LOC128462377: variants seen among roughly 807,000 people sequenced by gnomAD.
the LOC128462377 span, among the ~76,000 whole-genome samples, chr16:89,344,556 G>C: frequency 6.6e-6 from 1 of 152,214 alleles, no homozygotes; most frequent in African/African-American, 2.4e-5. Flanking sequence ...GCTCCTCCTT[G>C]TCTGAACGCT....
the LOC128462377 span, among the ~76,000 whole-genome samples, chr16:89,356,803 GAAAAAA>G: frequency 7.0e-6 from 1 of 143,304 alleles, no homozygotes; most frequent in Non-Finnish European, 1.5e-5. Context: ...AAAGAAAAAA[GAAAAAA>G]AAAGAACGTA....
At chr16:89,352,200 T>C in the LOC128462377 span, among the ~76,000 whole-genome samples, 1 of 152,052 alleles carries the variant, frequency 6.6e-6, no homozygotes, top group Non-Finnish European at 1.5e-5. Flanking sequence ...GATTATCTTC[T>C]TTGAAAAGCA....
At chr16:89,353,350 A>G in the LOC128462377 span, among the ~76,000 whole-genome samples, 5,066 of 149,488 alleles carry the variant, frequency 0.034, 316 homozygotes, top group African/African-American at 0.12. Context: ...TCCAAAAAAA[A>G]AGAGAGAGAG....
the LOC128462377 span, among the ~76,000 whole-genome samples, chr16:89,332,957 G>T: frequency 6.6e-6 from 1 of 152,232 alleles, no homozygotes; most frequent in South Asian, 2.1e-4. Context: ...CAACAGAACA[G>T]CGGGGCTGCT....
At chr16:89,394,930 A>T in the LOC128462377 span, among the ~76,000 whole-genome samples, 1 of 152,244 alleles carries the variant, frequency 6.6e-6, no homozygotes, top group Non-Finnish European at 1.5e-5. Context: ...CAGAGGCGAC[A>T]GTTTTTCCAA....
At chr16:89,381,799 T>C in the LOC128462377 span, among the ~76,000 whole-genome samples, 600 of 152,284 alleles carry the variant, frequency 3.9e-3, 2 homozygotes, top group African/African-American at 0.014. Flanking sequence ...CCCGAGCACA[T>C]TGACCCCACG....
the LOC128462377 span, among the ~76,000 whole-genome samples, chr16:89,353,008 C>T: frequency 6.6e-6 from 1 of 152,174 alleles, no homozygotes; most frequent in Admixed American, 6.5e-5. Flanking sequence ...TTTACAGGAT[C>T]CATTTACTTC....
chr16:89,367,516 CCT>C, the LOC128462377 span, among the ~76,000 whole-genome samples: 1 of 152,222 alleles, frequency 6.6e-6, no homozygotes, highest in Non-Finnish European at 1.5e-5. Context: ...ACCCACGCTC[CCT>C]CTTAGGCCAC....
the LOC128462377 span, among the ~76,000 whole-genome samples, chr16:89,328,149 T>C: frequency 1.0e-5 from 1 of 98,252 alleles, no homozygotes; most frequent in African/African-American, 3.6e-5. Flanking sequence ...AAAGCCGCAA[T>C]GAGATATTAC....
the LOC128462377 span, among the ~76,000 whole-genome samples, chr16:89,393,827 TAGG>T: frequency 6.6e-6 from 1 of 152,018 alleles, no homozygotes; most frequent in South Asian, 2.1e-4. Flanking sequence ...ATTTAATGAA[TAGG>T]AGGAGACATG....
the LOC128462377 span, among the ~76,000 whole-genome samples, chr16:89,344,421 G>C: frequency 6.6e-6 from 1 of 152,048 alleles, no homozygotes. Flanking sequence ...CCCCGTCAGG[G>C]CCAACACGGG....
At chr16:89,344,161 G>A in the LOC128462377 span, among the ~76,000 whole-genome samples, 111 of 152,294 alleles carry the variant, frequency 7.3e-4, no homozygotes, top group African/African-American at 2.6e-3. Flanking sequence ...GAGCACACAC[G>A]GGCAACCCTG....
the LOC128462377 span, among the ~76,000 whole-genome samples, chr16:89,326,968 G>A: frequency 6.6e-6 from 1 of 152,186 alleles, no homozygotes; most frequent in African/African-American, 2.4e-5. Flanking sequence ...GGTACAGCAA[G>A]AAGTCCACTG....
At chr16:89,413,620 CA>C in the LOC128462377 span, among the ~76,000 whole-genome samples, 1 of 151,600 alleles carries the variant, frequency 6.6e-6, no homozygotes, top group Admixed American at 6.6e-5. Context: ...CAGACTGTCT[CA>C]AAAAAAGAAA....
chr16:89,344,760 C>T, the LOC128462377 span, among the ~76,000 whole-genome samples: 1 of 151,116 alleles, frequency 6.6e-6, no homozygotes, highest in African/African-American at 2.5e-5. Context: ...GGCACGGGAG[C>T]ACAGCGGAGG....
chr16:89,317,226 A>G, the LOC128462377 span: 3,466 of 674,210 alleles, frequency 5.1e-3, 155 homozygotes, highest in Admixed American at 0.069. Flanking sequence ...CCAGGAAGGG[A>G]CTTCTCAGGA....
At chr16:89,414,648 G>A in the LOC128462377 span, among the ~76,000 whole-genome samples, 1 of 152,210 alleles carries the variant, frequency 6.6e-6, no homozygotes, top group Non-Finnish European at 1.5e-5. Context: ...CTCGGAGAGT[G>A]GAAGGGAGGG....
the LOC128462377 span, chr16:89,328,948 A>G: frequency 8.2e-6 from 1 of 122,686 alleles, no homozygotes; most frequent in Non-Finnish European, 1.7e-5. Context: ...CATACCCAGG[A>G]GCACGGGCGA....
the LOC128462377 span, among the ~76,000 whole-genome samples, chr16:89,372,438 AG>A: frequency 1.1e-4 from 16 of 152,130 alleles, no homozygotes; most frequent in African/African-American, 3.9e-4. Flanking sequence ...GCGGAGTGAG[AG>A]GCGGCTCAGG....
Sources: gnomAD v4.1 joint callset for allele counts (sites outside exome capture counted in the v4.1 genomes callset) on GRCh38, gnomAD v4.1.1 for gene constraint, MANE v1.5 for transcripts.